Variants in ING3 observed in about 807,000 individuals in gnomAD.
ING3 encodes inhibitor of growth protein 3.
In ING3, 6 loss-of-function variants were observed where a neutral mutation model predicts 64.8. That is an observed-to-expected ratio of 0.09 (90% CI 0.05 to 0.18). ING3 has a LOEUF of 0.18. ING3 is among the 10% of genes least tolerant of loss of function. ING3 has a pLI of 1.00. For missense variants in ING3, 310 were observed against 489.7 expected, an observed-to-expected ratio of 0.63 and a Z score of 3.46; for synonymous variants, 170 against 173.7, an observed-to-expected ratio of 0.98 and a Z score of 0.17.
chr7:120,955,872 T>A (rs1795839099), intron 4 of ING3: 3 of 569,356 alleles, frequency 5.3e-6, no homozygotes, highest in Non-Finnish European at 9.3e-6. Flanking sequence ...GTTTCTGATG[T>A]TAGATATTTT....
In ING3 at chr7:120,973,751, G is replaced by A. The variant is rs558842156; in HGVS notation, c.1140+508G>A. On this transcript the variant is annotated intron_variant, in intron 11 of 11. Transcript: ENST00000315870. ...TCTAAAAAGTAAAGGAAATTTGAAAGGAAGGAATTCTTGGTTTTTAGGAGA... is the reference window on the plus strand; with the variant it reads ...TCTAAAAAGTAAAGGAAATTTGAAAAGAAGGAATTCTTGGTTTTTAGGAGA... Among the ~76,000 whole-genome samples, 259 of 152,258 alleles carry A rather than the reference G, an allele frequency of 1.7e-3. 1 individual carries two copies. The highest frequency in any genetic ancestry group is 2.7e-3 in the Non-Finnish European group (184 of 68,020).
Position 120,966,614 on chromosome 7 carries a change from C to T in ING3, c.365-12C>T, listed in dbSNP as rs1249029149. The T allele has an allele frequency of 1.2e-6, 2 of 1,605,026 alleles. No homozygotes were observed. The highest frequency in any genetic ancestry group is 3.3e-5 in the Admixed American group (2 of 60,004). On this transcript the variant is annotated splice_polypyrimidine_tract_variant and intron_variant, in intron 5 of 11. Coordinates refer to ENST00000315870, the MANE Select transcript of ING3 (RefSeq NM_019071.3). ...TTAATGGTGGTGTATCTCTGTGCCT[C>T]TCTTCTTTTAGGATCTTTGGAATTA...
chr7:120,960,042 A>G (rs1795910693), intron 4 of ING3, among the ~76,000 whole-genome samples: 1 of 152,226 alleles, frequency 6.6e-6, no homozygotes, highest in African/African-American at 2.4e-5. Flanking sequence ...AGGGAGAGAC[A>G]ATTGAATAAC....
At chr7:120,973,126 T>A (rs1277919393) in intron 10 of ING3, 79 bp from the exon 11 acceptor site, 1 of 764,634 alleles carries the variant, frequency 1.3e-6, no homozygotes, top group Non-Finnish European at 2.3e-6. Flanking sequence ...TTTCCAGCAG[T>A]ATCATACATA....
intron 5 of ING3, among the ~76,000 whole-genome samples, chr7:120,966,088 T>G (rs1275773256): frequency 1.3e-5 from 2 of 152,176 alleles, no homozygotes; most frequent in African/African-American, 2.4e-5. Flanking sequence ...AAAAATGTAT[T>G]TAGAGGTATT....
chr7:120,958,178 C>A lies in ING3; in HGVS notation c.267+2554C>A, dbSNP rs1795879569. On this transcript the variant is annotated intron_variant, in intron 4 of 11. Transcript: ENST00000315870. ...CCCCACCCTTTCTTTTCTGCCCCCA[C>A]CTTTGCTCTACCCTCTTCCTTTTTA... 2.0e-5 allele frequency among the ~76,000 whole-genome samples: 3 copies of A among 151,730 alleles called. No homozygotes were observed. In the South Asian group the frequency reaches 6.2e-4, roughly 32 times the overall value.
intron 10 of ING3, 136 bp downstream of exon 10, chr7:120,971,016 A>G: frequency 1.1e-6 from 1 of 949,054 alleles, no homozygotes. Context: ...CCCTTCTTAC[A>G]AAAGTGACAT....
intron 8 of ING3, among the ~76,000 whole-genome samples, chr7:120,968,754 G>A (rs1796029445): frequency 6.7e-6 from 1 of 149,150 alleles, no homozygotes; most frequent in Non-Finnish European, 1.5e-5. Flanking sequence ...GCTATGGCAG[G>A]AGAATTGCTT....
intron 3 of ING3, among the ~76,000 whole-genome samples, chr7:120,955,191 C>A (rs1429247620): frequency 6.6e-6 from 1 of 151,962 alleles, no homozygotes. Flanking sequence ...GTGCAGTGGC[C>A]CAATCTCGGC....
rs1040639944 is a variant in ING3 at position 120,974,838 on chromosome 7, C to T, written c.1251C>T (p.His417=). 1.9e-6 allele frequency: 3 copies of T among 1,600,016 alleles called. No homozygotes were observed. Among genetic ancestry groups the T allele is most frequent in the Non-Finnish European group, 2.6e-6 (3 of 1,170,638 alleles). ...TAAMKRRGSR[H]K ...CAATGAAGAGAAGAGGCAGCAGACA[C>T]AAATAAAGGTGGTCCTTTTGTTTGA... The change falls in exon 12 of 12, where the codon CAC becomes CAT. Residue 417 remains histidine (H), a synonymous_variant. Transcript: ENST00000315870.
intron 2 of ING3, 27 bp from the exon 3 acceptor site, chr7:120,953,277 A>G (rs767154689): frequency 7.2e-7 from 1 of 1,388,406 alleles, no homozygotes; most frequent in Admixed American, 2.1e-5. Flanking sequence ...TGGTCATTTA[A>G]TATGAATTTT....
intron 2 of ING3, 73 bp downstream of exon 2, chr7:120,951,308 C>G: frequency 7.2e-7 from 1 of 1,388,746 alleles, no homozygotes; most frequent in Non-Finnish European, 1.0e-6. Flanking sequence ...TCACTGCTAG[C>G]GCCTAGTGCT....
chr7:120,953,936 T>G lies in ING3; in HGVS notation c.201+532T>G, dbSNP rs181498786. Among the ~76,000 whole-genome samples the G allele has an allele frequency of 6.5e-4, 99 of 152,344 alleles. 1 individual carries two copies. Among genetic ancestry groups the G allele is most frequent in the Non-Finnish European group, 7.4e-5 (5 of 68,026 alleles). ...AGTGGCTATAGCTGTCTTCCAGAAT[T>G]GAATGAGTATACACGTACATCTCAA... On this transcript the variant is annotated intron_variant, in intron 3 of 11. Coordinates refer to ENST00000315870, the MANE Select transcript of ING3 (RefSeq NM_019071.3).
intron 9 of ING3, among the ~76,000 whole-genome samples, chr7:120,970,404 G>A (rs562852078): frequency 6.6e-6 from 1 of 151,640 alleles, no homozygotes; most frequent in African/African-American, 2.4e-5. Flanking sequence ...GGTGGAGCTT[G>A]CGGTGTGCAG....
At chr7:120,954,376 A>G (rs1795813176) in intron 3 of ING3, among the ~76,000 whole-genome samples, 4 of 152,036 alleles carry the variant, frequency 2.6e-5, no homozygotes, top group Admixed American at 2.0e-4. Context: ...CAGTGAGCCT[A>G]GATCGCGCCA....
chr7:120,971,893 A>G (rs556036106), intron 10 of ING3, among the ~76,000 whole-genome samples: 2 of 152,248 alleles, frequency 1.3e-5, no homozygotes, highest in African/African-American at 4.8e-5. Context: ...CCGGTTTACT[A>G]AACCCTGTCC....
intron 4 of ING3, among the ~76,000 whole-genome samples, chr7:120,958,147 T>C (rs1233771797): frequency 6.6e-6 from 1 of 152,200 alleles, no homozygotes; most frequent in Non-Finnish European, 1.5e-5. Context: ...TTTCTTCTTT[T>C]TCTTCCCCCA....
In ING3 at chr7:120,969,168, C is replaced by T; in HGVS notation, c.872C>T (p.Ser291Leu). 6.2e-7 allele frequency: 1 copy of T among 1,613,774 alleles called. No individual in the cohort carries two copies. The highest frequency in any genetic ancestry group is 8.5e-7 in the Non-Finnish European group (1 of 1,179,836). Reference sequence around the variant, plus strand: ...ACAACATTAACACAGAATGCCAGTTCATCAGCAGCCGACTCACGGAGTGGT... The same window carrying T: ...ACAACATTAACACAGAATGCCAGTTTATCAGCAGCCGACTCACGGAGTGGT... ...LMTTLTQNAS[S>L]SAADSRSGRK... The change falls in exon 9 of 12, where the codon TCA becomes TTA. Residue 291 changes from serine (S) to leucine (L), a missense_variant. This residue lies in a region of ING3 where 233 missense variants were observed against 289.4 expected (regional missense o/e 0.81). Transcript: ENST00000315870.
chr7:120,967,852 T>C (rs1796016091), intron 7 of ING3, 82 bp from the exon 8 acceptor site: 1 of 1,417,644 alleles, frequency 7.1e-7, no homozygotes, highest in South Asian at 1.3e-5. Flanking sequence ...ATTATATGTC[T>C]GTGCTGGGAA....
Sources: allele counts gnomAD v4.1 joint callset (sites outside exome capture counted in the v4.1 genomes callset), GRCh38; gene constraint gnomAD v4.1.1; regional missense constraint gnomAD v4.1.1; transcripts MANE v1.5; gene names NCBI Gene and HGNC (gene_info 2026-07-23, HGNC 2026-07-21).